MBNL1: variants seen among roughly 807,000 people sequenced by gnomAD.
MBNL1 encodes muscleblind-like protein 1.
A neutral mutation model predicts 42.2 loss-of-function variants in MBNL1; 8 were observed. That is an observed-to-expected ratio of 0.19 (90% CI 0.11 to 0.34). The LOEUF (loss-of-function observed/expected upper bound fraction) is 0.34, where lower values mean the gene tolerates loss of function less well. Among genes scored for constraint, MBNL1 ranks in the 10% least tolerant of loss-of-function variants. The probability of loss-of-function intolerance (pLI) is 1.00; values close to 1 mark genes in which losing one functional copy is unlikely to be tolerated. For synonymous variants in MBNL1, 169 were observed against 173.9 expected, an observed-to-expected ratio of 0.97 and a Z score of 0.22; for missense variants, 309 against 495.3, an observed-to-expected ratio of 0.62 and a Z score of 3.57.
intron 2 of MBNL1, among the ~76,000 whole-genome samples, chr3:152,380,621 T>C (rs765484217): frequency 4.6e-5 from 7 of 152,026 alleles, no homozygotes; most frequent in Non-Finnish European, 1.0e-4. Flanking sequence ...CTGAAAAGAG[T>C]AATATTTCAG....
At chr3:152,358,754 CATT>C (rs989764871) in intron 2 of MBNL1, among the ~76,000 whole-genome samples, 2 of 151,656 alleles carry the variant, frequency 1.3e-5, no homozygotes, top group East Asian at 1.9e-4. Context: ...ATGTTGTGGA[CATT>C]ATTATTATTA....
intron 2 of MBNL1, among the ~76,000 whole-genome samples, chr3:152,317,323 TA>T (rs988199612): frequency 2.0e-5 from 3 of 152,148 alleles, no homozygotes; most frequent in South Asian, 2.1e-4. Context: ...TTTATTCCTT[TA>T]AAAAAATTTT....
chr3:152,344,777 A>T (rs1287366380), intron 2 of MBNL1, among the ~76,000 whole-genome samples: 2 of 152,144 alleles, frequency 1.3e-5, no homozygotes, highest in African/African-American at 2.4e-5. Flanking sequence ...TTTGTAGACT[A>T]TAGAGTCCAT....
In MBNL1 at chr3:152,290,640, A is replaced by C. The variant is rs369140236; in HGVS notation, c.-789-8765A>C. The stretch of plus-strand genomic sequence containing the variant: ...TTTAAGCAGTGAACATCATATTTTA[A>C]ATGTTTTAGGCAGAGGTGCCACCAA... On this transcript the variant is annotated intron_variant, in intron 1 of 9. Transcript: ENST00000324210. 6.1e-4 allele frequency among the ~76,000 whole-genome samples: 93 copies of C among 152,260 alleles called. No individual in the cohort carries two copies. In the South Asian group the frequency reaches 0.019, roughly 31 times the overall value.
chr3:152,286,431 T>A (rs1377265361), intron 1 of MBNL1, among the ~76,000 whole-genome samples: 1 of 137,194 alleles, frequency 7.3e-6, no homozygotes, highest in African/African-American at 2.7e-5. Flanking sequence ...ATTTATAATA[T>A]AAATATTTAT....
intron 2 of MBNL1, among the ~76,000 whole-genome samples, chr3:152,411,675 C>T (rs955009279): frequency 4.6e-5 from 7 of 152,004 alleles, no homozygotes; most frequent in Non-Finnish European, 5.9e-5. Flanking sequence ...CTTTAGATAC[C>T]GATGAATTTC....
At chr3:152,279,752 A>G (rs1188518613) in intron 1 of MBNL1, among the ~76,000 whole-genome samples, 1 of 152,142 alleles carries the variant, frequency 6.6e-6, no homozygotes, top group Admixed American at 6.6e-5. Flanking sequence ...CTTTCTCACC[A>G]ATAGTATGAG....
At chr3:152,352,796 C>A (rs1211877859) in intron 2 of MBNL1, among the ~76,000 whole-genome samples, 1 of 152,112 alleles carries the variant, frequency 6.6e-6, no homozygotes, top group Non-Finnish European at 1.5e-5. Flanking sequence ...ACATCATTTG[C>A]CCTGCATGTA....
intron 2 of MBNL1, among the ~76,000 whole-genome samples, chr3:152,360,150 A>G (rs2095831210): frequency 1.3e-5 from 2 of 152,146 alleles, no homozygotes; most frequent in Non-Finnish European, 2.9e-5. Flanking sequence ...CTTTTTTAGT[A>G]TCTTCAGCCT....
upstream of MBNL1, chr3:152,264,860 T>C (rs772457003): frequency 1.3e-5 from 2 of 152,096 alleles, no homozygotes; most frequent in Non-Finnish European, 2.9e-5. Context: ...TTTTATATAT[T>C]TTCACATTCA....
At chr3:152,318,944 C>T (rs2074259519) in intron 2 of MBNL1, among the ~76,000 whole-genome samples, 1 of 152,102 alleles carries the variant, frequency 6.6e-6, no homozygotes, top group African/African-American at 2.4e-5. Flanking sequence ...ACTTGGAATA[C>T]AACCTACTAA....
chr3:152,367,889 T>A (rs2153223298), intron 2 of MBNL1, among the ~76,000 whole-genome samples: 1 of 152,232 alleles, frequency 6.6e-6, no homozygotes, highest in African/African-American at 2.4e-5. Flanking sequence ...TTCTTGTAAA[T>A]TTGTTTAAGT....
At chr3:152,307,170 A>T (rs532521442) in intron 2 of MBNL1, among the ~76,000 whole-genome samples, 1 of 152,120 alleles carries the variant, frequency 6.6e-6, no homozygotes, top group East Asian at 1.9e-4. Flanking sequence ...TTGCATTTTT[A>T]GTAGAGACAG....
chr3:152,378,363 AGCTACT>A (rs1432337622), intron 2 of MBNL1, among the ~76,000 whole-genome samples: 1 of 152,166 alleles, frequency 6.6e-6, no homozygotes, highest in Non-Finnish European at 1.5e-5. Flanking sequence ...TGTATGTTCT[AGCTACT>A]CAAGAGAGAT....
intron 4 of MBNL1, among the ~76,000 whole-genome samples, chr3:152,439,279 A>G (rs929953327): frequency 1.3e-5 from 2 of 152,204 alleles, no homozygotes; most frequent in Admixed American, 6.5e-5. Context: ...GAACGTTTAA[A>G]GCTAAATGAG....
At chr3:152,372,603 G>T (rs980547751) in intron 2 of MBNL1, among the ~76,000 whole-genome samples, 1 of 152,206 alleles carries the variant, frequency 6.6e-6, no homozygotes, top group African/African-American at 2.4e-5. Context: ...TCCAGACCCT[G>T]TTTGCCTGAG....
At chr3:152,424,316 A>G (rs982012448) in intron 3 of MBNL1, among the ~76,000 whole-genome samples, 4 of 152,202 alleles carry the variant, frequency 2.6e-5, no homozygotes, top group African/African-American at 9.7e-5. Context: ...GTGAACTCCC[A>G]TTCACAATTG....
intron 2 of MBNL1, among the ~76,000 whole-genome samples, chr3:152,260,562 A>T (rs888690397): frequency 4.6e-5 from 7 of 152,154 alleles, no homozygotes; most frequent in Non-Finnish European, 1.0e-4. Context: ...ACTGGTGAAG[A>T]TATGTATATC....
intron 2 of MBNL1, among the ~76,000 whole-genome samples, chr3:152,248,594 A>T (rs1576767569): frequency 1.3e-5 from 2 of 149,856 alleles, no homozygotes; most frequent in African/African-American, 2.4e-5. Context: ...ATAATCTCTT[A>T]TTTTTTTTTC....
Sources: allele counts gnomAD v4.1 joint callset (sites outside exome capture counted in the v4.1 genomes callset), GRCh38; gene constraint gnomAD v4.1.1; transcripts MANE v1.5; gene names NCBI Gene and HGNC (gene_info 2026-07-23, HGNC 2026-07-21).